Variants in RCOR3 observed in about 807,000 individuals in gnomAD.
RCOR3 encodes REST corepressor 3.
Under a neutral mutation model 64.1 loss-of-function variants are expected in RCOR3, and 13 were observed. The observed-to-expected ratio is 0.20, with a 90% CI of 0.13 to 0.32. The LOEUF (loss-of-function observed/expected upper bound fraction) is 0.32. Ranked by LOEUF, RCOR3 falls within the 10% of genes least tolerant of loss-of-function variation. The pLI, the probability that RCOR3 is intolerant of heterozygous loss-of-function variation, is 1.00. For missense variants in RCOR3, 489 were observed against 701.2 expected (o/e 0.70, Z 3.42); for synonymous variants, 215 against 239.0 (o/e 0.90, Z 0.93).
At chr1:211,292,824 G>A (rs2102590914) in intron 8 of RCOR3, among the ~76,000 whole-genome samples, 1 of 152,236 alleles carries the variant, frequency 6.6e-6, no homozygotes, top group South Asian at 2.1e-4. Context: ...AGTGGCTCAT[G>A]CCTGTAATCC....
At chr1:211,273,645 A>T (rs1696552298) in intron 3 of RCOR3, among the ~76,000 whole-genome samples, 1 of 152,196 alleles carries the variant, frequency 6.6e-6, no homozygotes, top group African/African-American at 2.4e-5. Flanking sequence ...CGTATGGAAG[A>T]TAAATGAAAG....
intron 2 of RCOR3, among the ~76,000 whole-genome samples, chr1:211,263,837 T>A (rs1694767844): frequency 1.3e-5 from 2 of 152,166 alleles, no homozygotes; most frequent in South Asian, 4.1e-4. Context: ...TTTTGTTTTT[T>A]TTAGGCAGAG....
chr1:211,271,337 G>C, intron 3 of RCOR3, 28 bp downstream of exon 3: 1 of 1,570,026 alleles, frequency 6.4e-7, no homozygotes, highest in Non-Finnish European at 8.8e-7. Context: ...GAATGTTAAT[G>C]TCAGCAGGAG....
intron 1 of RCOR3, 148 bp downstream of exon 1, chr1:211,259,874 G>C: frequency 1.8e-6 from 2 of 1,093,108 alleles, no homozygotes; most frequent in Non-Finnish European, 2.5e-6. Flanking sequence ...CAGTGCAGCA[G>C]CACCCCCGCG....
intron 7 of RCOR3, among the ~76,000 whole-genome samples, chr1:211,282,079 A>G (rs754193326): frequency 3.5e-4 from 53 of 152,340 alleles, no homozygotes; most frequent in Middle Eastern, 3.4e-3. Flanking sequence ...GTATATATGT[A>G]TGTATATATA....
At chr1:211,264,031 C>T (rs891793073) in intron 2 of RCOR3, among the ~76,000 whole-genome samples, 3 of 152,098 alleles carry the variant, frequency 2.0e-5, no homozygotes, top group Non-Finnish European at 4.4e-5. Context: ...CCATGTTGGC[C>T]GGGCTAGTCT....
intron 3 of RCOR3, among the ~76,000 whole-genome samples, chr1:211,273,770 TCCTTTATA>T (rs1696571628): frequency 6.6e-6 from 1 of 152,186 alleles, no homozygotes; most frequent in South Asian, 2.1e-4. Flanking sequence ...CTATAAACTA[TCCTTTATA>T]CATCAATCAA....
At chr1:211,275,967 T>C (rs1696901783) in intron 4 of RCOR3, among the ~76,000 whole-genome samples, 1 of 152,222 alleles carries the variant, frequency 6.6e-6, no homozygotes, top group South Asian at 2.1e-4. Context: ...AAACTCTTGG[T>C]GTGAACCTAC....
intron 8 of RCOR3, chr1:211,291,667 A>G (rs1014937035): frequency 3.4e-5 from 15 of 436,718 alleles, no homozygotes; most frequent in Admixed American, 1.0e-4. Context: ...AGATTTTTCT[A>G]TTCCTTGGTC....
rs138786257 is a variant in RCOR3 at position 211,298,354 on chromosome 1, A to G, written c.1017+2601A>G. Among the ~76,000 whole-genome samples, 660 of 152,344 alleles carry G rather than the reference A, an allele frequency of 4.3e-3. 4 individuals are homozygous for G. Among genetic ancestry groups the G allele is most frequent in the African/African-American group, 0.015 (630 of 41,578 alleles). ...ATAAGAGGGATTTTTTTGCACATAC[A>G]GAAAGGACCATAGAGGTCATTCCAG... On this transcript the variant is annotated intron_variant, in intron 9 of 11. Transcript: ENST00000419091.
In RCOR3 at chr1:211,313,031, G is replaced by A; in HGVS notation, c.1317+70G>A. 1 of 1,605,568 alleles carries A rather than the reference G, an allele frequency of 6.2e-7. No individual in the cohort carries two copies. The highest frequency in any genetic ancestry group is 8.5e-7 in the Non-Finnish European group (1 of 1,174,728). On this transcript the variant is annotated intron_variant, in intron 11 of 11. Transcript: ENST00000419091. This position sits in a 1 kb window ranked among gnomAD's most constrained non-coding sequence, Gnocchi z 4.7. ...ACCATTTTGTGTGGTATTCTGTAAGGTTAATTTGTCAAGAGGACTAGCTAA... is the reference window on the plus strand; with the variant it reads ...ACCATTTTGTGTGGTATTCTGTAAGATTAATTTGTCAAGAGGACTAGCTAA...
intron 2 of RCOR3, among the ~76,000 whole-genome samples, chr1:211,265,781 T>G (rs1411030384): frequency 6.6e-6 from 1 of 152,144 alleles, no homozygotes; most frequent in Non-Finnish European, 1.5e-5. Context: ...GTTCTGAGTG[T>G]TAAATCTCTT....
At chr1:211,278,017 AT>A (rs1382423501) in intron 5 of RCOR3, 99 bp from the exon 6 acceptor site, 131 of 1,085,616 alleles carry the variant, frequency 1.2e-4, no homozygotes, top group Non-Finnish European at 1.6e-4. Context: ...CCCATGAAAT[AT>A]TTTTTTATTA....
At chr1:211,299,279 C>T (rs1363086353) in intron 9 of RCOR3, among the ~76,000 whole-genome samples, 1 of 152,112 alleles carries the variant, frequency 6.6e-6, no homozygotes, top group Non-Finnish European at 1.5e-5. Context: ...AAGAACATTG[C>T]AAGGTAGAAA....
intron 7 of RCOR3, among the ~76,000 whole-genome samples, chr1:211,288,158 G>T (rs1001712392): frequency 9.2e-5 from 14 of 151,638 alleles, no homozygotes; most frequent in Non-Finnish European, 1.6e-4. Flanking sequence ...GCTACAGTAA[G>T]CAGTGCTCAT....
At chr1:211,294,747 G>T (rs887079305) in intron 8 of RCOR3, among the ~76,000 whole-genome samples, 3 of 151,848 alleles carry the variant, frequency 2.0e-5, no homozygotes, top group Admixed American at 1.3e-4. Flanking sequence ...CCGCCACCAC[G>T]CCCGGCTAAT....
intron 2 of RCOR3, among the ~76,000 whole-genome samples, chr1:211,268,675 C>A (rs551973142): frequency 7.9e-5 from 12 of 152,048 alleles, no homozygotes; most frequent in African/African-American, 2.9e-4. Context: ...CAGGGCCTGG[C>A]CAGTTTATTT....
At chr1:211,272,946 C>G (rs1182678574) in intron 3 of RCOR3, among the ~76,000 whole-genome samples, 1 of 152,108 alleles carries the variant, frequency 6.6e-6, no homozygotes, top group Non-Finnish European at 1.5e-5. Context: ...TTAAAAGCTC[C>G]CACACTGATT....
intron 1 of RCOR3, 166 bp downstream of exon 1, chr1:211,259,892 GTCCCT>G: frequency 4.4e-6 from 2 of 452,404 alleles, no homozygotes; most frequent in Non-Finnish European, 6.4e-6. Context: ...GCGACCCCCC[GTCCCT>G]CCGCCCTCGA....
Sources: gnomAD v4.1 joint callset for allele counts (sites outside exome capture counted in the v4.1 genomes callset) on GRCh38, gnomAD v4.1.1 for gene constraint, Gnocchi (gnomAD v3.1) non-coding constraint, MANE v1.5 for transcripts, NCBI Gene and HGNC (gene_info 2026-07-23, HGNC 2026-07-21) for gene names.